Variants in ALDH3A1 observed in about 807,000 individuals in gnomAD.
The protein encoded by ALDH3A1 is aldehyde dehydrogenase 3 family member A1.
A neutral mutation model predicts 49.9 loss-of-function variants in ALDH3A1; 46 were observed. That is an observed-to-expected ratio of 0.92 (90% confidence interval 0.73 to 1.18). The LOEUF (loss-of-function observed/expected upper bound fraction) is 1.18. Ranked by LOEUF, ALDH3A1 falls within the 50% of genes most tolerant of loss-of-function variation. The probability of loss-of-function intolerance (pLI) is 0.00; values close to 1 mark genes in which losing one functional copy is unlikely to be tolerated. For missense variants in ALDH3A1, 592 were observed against 611.8 expected, an observed-to-expected ratio of 0.97 and a Z score of 0.34; for synonymous variants, 269 against 253.3, an observed-to-expected ratio of 1.06 and a Z score of -0.59.
Position 19,740,466 on chromosome 17 carries a change from C to T in ALDH3A1, c.819G>A (p.Gly273=), listed in dbSNP as rs771158395. Reference sequence around the variant, plus strand: ...AGTCCCGGGATTTCTTAGCATCTTCCCCGTAGAACTCCTGTGGAGAAGAGG... The same window carrying T: ...AGTCCCGGGATTTCTTAGCATCTTCTCCGTAGAACTCCTGTGGAGAAGAGG... ...KLKKSLKEFY[G]EDAKKSRDYG... The change falls in exon 7 of 11, where the codon GGG becomes GGA. Residue 273 remains glycine, a synonymous_variant. Coordinates refer to ENST00000225740, the MANE Select transcript of ALDH3A1 (RefSeq NM_000691.5). The T allele has an allele frequency of 6.2e-7, 1 of 1,614,050 alleles. No individual in the cohort carries two copies.
At chr17:19,741,248 C>A (rs1416225304) in intron 5 of ALDH3A1, 38 bp from the exon 6 acceptor site, 2 of 1,580,556 alleles carry the variant, frequency 1.3e-6, no homozygotes, top group African/African-American at 2.7e-5. Context: ...CCAAAAGGTT[C>A]CCCAGGAGTT....
At position 19,745,089 on chromosome 17, in the gene ALDH3A1, G is replaced by A. The variant is rs1356750418; in HGVS notation, c.41C>T (p.Ala14Val). ...CGGACGGGTCCTGCCCGAGCTGAAG[G>A]CGGCGCGGGCGCGCTTCACGGCCTC... is the stretch of plus-strand genomic sequence containing the variant. Reference protein sequence around the residue: ...ISEAVKRARAAFSSGRTRPLQ... With the variant: ...ISEAVKRARAVFSSGRTRPLQ... Residue 14 changes from alanine (A) to valine (V), a missense_variant, in exon 2 of 11, where the codon GCC becomes GTC. Transcript: ENST00000225740. 6.3e-7 allele frequency: 1 copy of A among 1,590,756 alleles called. No individual in the cohort carries two copies. The highest frequency in any genetic ancestry group is 2.3e-5 in the East Asian group (1 of 44,168).
At chr17:19,741,401 G>T in intron 5 of ALDH3A1, 191 bp from the exon 6 acceptor site, 3 of 532,422 alleles carry the variant, frequency 5.6e-6, no homozygotes, top group East Asian at 6.2e-5. Context: ...CATGTTCACC[G>T]GCGACTGGTG....
chr17:19,742,124 G>T lies in ALDH3A1; in HGVS notation c.569C>A (p.Thr190Lys). ...RFDHILYTGS[T>K]GVGKIIMTAA... ...CGTCATGATGATCTTCCCCACCCCCGTGCTGCCCGTGTACAGGATATGGTC... is the reference window on the plus strand; with the variant it reads ...CGTCATGATGATCTTCCCCACCCCCTTGCTGCCCGTGTACAGGATATGGTC... The change falls in exon 5 of 11, where the codon ACG (threonine) becomes AAG (lysine). Residue 190 changes from threonine to lysine, a missense_variant. Physicochemically the swap from Thr to Lys is moderately conservative, Grantham distance 78. Transcript: ENST00000225740. The T allele has an allele frequency of 6.2e-7, 1 of 1,613,992 alleles. No individual in the cohort carries two copies. The highest frequency in any genetic ancestry group is 1.1e-5 in the South Asian group (1 of 91,082).
chr17:19,746,789 GCC>G (rs892511610), intron 1 of ALDH3A1, among the ~76,000 whole-genome samples: 1 of 152,140 alleles, frequency 6.6e-6, no homozygotes, highest in African/African-American at 2.4e-5. Flanking sequence ...TAGAACGGTA[GCC>G]CCCGACACGA....
chr17:19,738,954 CTG>C, intron 9 of ALDH3A1, 40 bp downstream of exon 9: 1 of 1,445,094 alleles, frequency 6.9e-7, no homozygotes. Context: ...GTGCCCAGCC[CTG>C]GGGCCCAGAG....
chr17:19,740,295 C>T, intron 7 of ALDH3A1, 41 bp downstream of exon 7: 1 of 1,602,734 alleles, frequency 6.2e-7, no homozygotes. Context: ...GGGACCCCTG[C>T]AGCCTGGGCA....
rs753756012 is a variant in ALDH3A1, at chr17:19,738,250, C to CGGAGT, written c.1348-20_1348-16dup. ...TGCTGGGTCATCTGTGAAAGGGACA[C>CGGAGT]GGAGTGGGCAGTGATCCCCAGGCCC... is the stretch of plus-strand genomic sequence containing the variant. On this transcript the variant is annotated splice_polypyrimidine_tract_variant and intron_variant, in intron 10 of 10. Transcript: ENST00000225740. 7 of 1,613,950 alleles carry CGGAGT rather than the reference C, an allele frequency of 4.3e-6. No homozygotes were observed. In the South Asian group the frequency reaches 7.7e-5, roughly 18 times the overall value.
intron 2 of ALDH3A1, chr17:19,744,357 C>T (rs1488586174): frequency 9.7e-6 from 9 of 926,718 alleles, no homozygotes; most frequent in Non-Finnish European, 1.2e-5. Context: ...GAGCCGAGAT[C>T]GCGCCATTAC....
In ALDH3A1 at chr17:19,738,440, C is replaced by A; in HGVS notation, c.1230G>T (p.Met410Ile). 1 of 1,613,118 alleles carries A rather than the reference C, an allele frequency of 6.2e-7. No homozygotes were observed. The highest frequency in any genetic ancestry group is 1.3e-5 in the African/African-American group (1 of 75,042). ...LPFGGVGNSG[M>I]GSYHGKKSFE... ...AGCTCTTCTTGCCATGGTAGGATCC[C>A]ATGCCGCTGTTCCCTGCGGAGGAGA... Residue 410 changes from methionine (M) to isoleucine (I), a missense_variant, in exon 10 of 11, where the codon ATG becomes ATT. Met to Ile is a conservative substitution (Grantham distance 10, BLOSUM62 1). Transcript: ENST00000225740.
In ALDH3A1 at chr17:19,746,644, CGTGTGTGTGCATGT is replaced by C. The variant is rs964313921; in HGVS notation, c.-5-1524_-5-1511del. Among the ~76,000 whole-genome samples the C allele has an allele frequency of 2.6e-4, 38 of 144,036 alleles. 1 individual carries two copies. The highest frequency in any genetic ancestry group is 2.0e-3 in the South Asian group (9 of 4,594). 94.5% of individuals were successfully genotyped at this position (144,036 alleles called of 152,430 possible). A position where few individuals can be genotyped will look rare whatever the true frequency, so the allele number is the denominator to read the frequency against. On this transcript the variant is annotated intron_variant, in intron 1 of 10. Transcript: ENST00000225740. ...GTGTGCGTGTGTGTGTGTGCGTGTG[CGTGTGTGTGCATGT>C]GTGTGTGTGCGTGTGTGTGCATGTG...
intron 8 of ALDH3A1, 102 bp from the exon 9 acceptor site, chr17:19,739,197 A>G: frequency 9.3e-7 from 1 of 1,077,464 alleles, no homozygotes; most frequent in Non-Finnish European, 1.4e-6. Flanking sequence ...CAAGGACAGG[A>G]GCAGGTGGAG....
At chr17:19,741,231 A>T (rs1202633278) in intron 5 of ALDH3A1, 21 bp from the exon 6 acceptor site, 1 of 1,605,934 alleles carries the variant, frequency 6.2e-7, no homozygotes, top group Admixed American at 1.7e-5. Context: ...CCCAGACTGG[A>T]CTAAATCCAA....
At chr17:19,746,638 CGTGTGCGTGTGTGTGCATGTGTGTGTGT>C (rs1567657197) in intron 1 of ALDH3A1, among the ~76,000 whole-genome samples, 1 of 132,574 alleles carries the variant, frequency 7.5e-6, no homozygotes, top group African/African-American at 3.4e-5. Flanking sequence ...TGTGTGTGTG[CGTGTGCGTGTGTGTGCATGTGTGTGTGT>C]GCGTGTGTGT....
At position 19,743,780 on chromosome 17, in the gene ALDH3A1, A is replaced by T; in HGVS notation, c.163-317T>A. Reference sequence around the variant, plus strand: ...AATAGAGCCGGGCAGGGGAGAGTAGATTCAGGCAGTGGGAATGGATCCGGG... The same window carrying T: ...AATAGAGCCGGGCAGGGGAGAGTAGTTTCAGGCAGTGGGAATGGATCCGGG... On this transcript the variant is annotated intron_variant, in intron 2 of 10. Transcript: ENST00000225740. The surrounding 1 kb of genome is among the most constrained non-coding windows in gnomAD (Gnocchi z 4.4). 1 of 926,452 alleles carries T rather than the reference A, an allele frequency of 1.1e-6. No homozygotes were observed. The highest frequency in any genetic ancestry group is 1.3e-6 in the Non-Finnish European group (1 of 791,592). The allele number at this position is 926,452 out of a possible 1,614,324, so 57.4% of individuals were successfully genotyped here.
chr17:19,742,673 C>A lies in ALDH3A1; in HGVS notation c.395-43G>T, dbSNP rs116962241. 1.8e-3 allele frequency: 2,966 copies of A among 1,613,242 alleles called. 65 individuals carry two copies. The East Asian group carries it at 0.05, about 27-fold the overall frequency. On this transcript the variant is annotated intron_variant, in intron 3 of 10. Transcript: ENST00000225740. ...CCAGGCCTATGCCCAGGGTACTTCA[C>A]CAGAGGCTCTGCCCTCCCAAGGACC...
At chr17:19,738,696 G>A (rs1249700492) in intron 9 of ALDH3A1, among the ~76,000 whole-genome samples, 1 of 152,194 alleles carries the variant, frequency 6.6e-6, no homozygotes, top group East Asian at 1.9e-4. Context: ...CACACTGTGG[G>A]AGTGCCCAGC....
At chr17:19,739,746 A>G in intron 7 of ALDH3A1, 72 bp from the exon 8 acceptor site, 1 of 1,537,420 alleles carries the variant, frequency 6.5e-7, no homozygotes, top group Middle Eastern at 1.7e-4. Context: ...AAGCACCTAG[A>G]CCCCTGCTCC....
intron 3 of ALDH3A1, chr17:19,742,831 C>T (rs141944650): frequency 8.2e-5 from 125 of 1,533,268 alleles, no homozygotes; most frequent in Admixed American, 1.2e-4. Context: ...CACGGGCACA[C>T]GCTGGCCAGA....
Sources: gnomAD v4.1 joint callset for allele counts (sites outside exome capture counted in the v4.1 genomes callset) on GRCh38, gnomAD v4.1.1 for gene constraint, Gnocchi (gnomAD v3.1) non-coding constraint, MANE v1.5 for transcripts, NCBI Gene and HGNC (gene_info 2026-07-23, HGNC 2026-07-21) for gene names.